Variants in N4BP3 observed in about 807,000 individuals in gnomAD.
N4BP3 encodes NEDD4 binding protein 3.
In N4BP3, 33 loss-of-function variants were observed where a neutral mutation model predicts 43.8. The ratio of observed to expected loss-of-function variants is 0.75; its 90% CI spans 0.57 to 1.01. The LOEUF (loss-of-function observed/expected upper bound fraction) is 1.01. Ranked by LOEUF, N4BP3 falls within the 50% of genes least tolerant of loss-of-function variation. The pLI, the probability that N4BP3 is intolerant of heterozygous loss-of-function variation, is 0.00. For missense variants in N4BP3, 756 were observed against 744.2 expected (o/e 1.02, Z -0.18); for synonymous variants, 326 against 321.9 (o/e 1.01, Z -0.14).
At chr5:178,126,332 C>T (rs1042215547), downstream of N4BP3, among the ~76,000 whole-genome samples, 6 of 152,136 alleles carry the variant, frequency 3.9e-5, no homozygotes, top group African/African-American at 4.8e-5. Flanking sequence ...GCGCCTGCCA[C>T]GACGCCTGGC....
At position 178,115,041 on chromosome 5, in the gene N4BP3, TG is replaced by T. The variant is rs372776404; in HGVS notation, c.-31+1273del. ...AGGGAGTTGAGATTGCTTCTCACTG[TG>T]GGATCTTGGATAACTCACCTCGCCT... On this transcript the variant is annotated intron_variant, in intron 1 of 4. Transcript: ENST00000274605. Among the ~76,000 whole-genome samples, 41 of 152,314 alleles carry T rather than the reference TG, an allele frequency of 2.7e-4. No homozygotes were observed. The South Asian group carries it at 5.6e-3, about 21-fold the overall frequency.
rs1757955136 is a variant in N4BP3, at chr5:178,122,402, C to T, written c.*401C>T. On this transcript the variant is annotated 3_prime_UTR_variant, in exon 5 of 5. Transcript: ENST00000274605. ...CCCCAGAATAAAACCATGTTTTCTACCAGAGGCTCAGAATACGCTGAGCCT... is the reference window on the plus strand; with the variant it reads ...CCCCAGAATAAAACCATGTTTTCTATCAGAGGCTCAGAATACGCTGAGCCT... 5.4e-6 allele frequency: 1 copy of T among 186,096 alleles called. No individual in the cohort carries two copies. Among genetic ancestry groups the T allele is most frequent in the African/African-American group, 2.4e-5 (1 of 42,404 alleles). 11.5% of individuals were successfully genotyped at this position (186,096 alleles called of 1,614,324 possible). A position where few individuals can be genotyped will look rare whatever the true frequency, so the allele number is the denominator to read the frequency against.
chr5:178,119,757 C>T lies in N4BP3; in HGVS notation c.174C>T (p.Tyr58=), dbSNP rs777421282. 7 of 1,613,512 alleles carry T rather than the reference C, an allele frequency of 4.3e-6. No homozygotes were observed. Among genetic ancestry groups the T allele is most frequent in the African/African-American group, 4.0e-5 (3 of 74,950 alleles). ...TGGGCCAGCGTGAGTTCCTCAGCTA[C>T]CTGCACCTCCCCAAGAAGGACAGCA... ...KGLGQREFLS[Y]LHLPKKDSKS... is the part of the protein sequence containing the mutation. Residue 58 remains tyrosine (Y), a synonymous_variant, in exon 2 of 5, where the codon TAC becomes TAT. Coordinates refer to ENST00000274605, the MANE Select transcript of N4BP3 (RefSeq NM_015111.2).
chr5:178,114,442 G>C (rs568482789), intron 1 of N4BP3, among the ~76,000 whole-genome samples: 1 of 152,294 alleles, frequency 6.6e-6, no homozygotes, highest in South Asian at 2.1e-4. Flanking sequence ...AGAGCACCCG[G>C]TCCAGTCCCG....
chr5:178,117,882 G>C (rs1205090290), intron 1 of N4BP3, among the ~76,000 whole-genome samples: 1 of 152,108 alleles, frequency 6.6e-6, no homozygotes, highest in Admixed American at 6.5e-5. Context: ...TGTGGGGTTG[G>C]GGCAGGTCCC....
At chr5:178,116,374 G>A (rs1265708143) in intron 1 of N4BP3, among the ~76,000 whole-genome samples, 4 of 73,668 alleles carry the variant, frequency 5.4e-5, no homozygotes, top group African/African-American at 1.1e-4. Context: ...GCCCTGCTGG[G>A]GGAGCTGATA....
chr5:178,117,485 C>G (rs1757798511), intron 1 of N4BP3, among the ~76,000 whole-genome samples: 1 of 151,980 alleles, frequency 6.6e-6, no homozygotes, highest in South Asian at 2.1e-4. Flanking sequence ...GTGTCACGCA[C>G]CTGTGTTTTT....
In N4BP3 at chr5:178,120,318, CCT is replaced by C. The variant is rs1209932077; in HGVS notation, c.472_473del (p.Leu158GlufsTer21). On this transcript the variant is annotated frameshift_variant, in exon 3 of 5. Transcript: ENST00000274605. LOFTEE classifies it high-confidence loss of function. The part of the protein sequence containing the change: ...SLHTLACHPP[L>X]SPGPRASQAR... ...TGCACACGCTGGCCTGCCACCCGCCCCTGAGCCCCGGGCCCCGGGCCAGCCAG... is the reference window on the plus strand; with the variant it reads ...TGCACACGCTGGCCTGCCACCCGCCCGAGCCCCGGGCCCCGGGCCAGCCAG... 1 of 1,608,326 alleles carries C rather than the reference CCT, an allele frequency of 6.2e-7. No individual in the cohort carries two copies. The highest frequency in any genetic ancestry group is 8.5e-7 in the Non-Finnish European group (1 of 1,176,856).
chr5:178,121,449 T>C (rs1757921226), intron 4 of N4BP3, 25 bp from the exon 5 acceptor site: 4 of 1,613,824 alleles, frequency 2.5e-6, no homozygotes, highest in Non-Finnish European at 3.4e-6. Context: ...CACCCTACTT[T>C]GCTTGCGTCC....
intron 1 of N4BP3, among the ~76,000 whole-genome samples, chr5:178,114,030 C>T (rs760798890): frequency 4.6e-5 from 7 of 152,240 alleles, no homozygotes; most frequent in Middle Eastern, 3.4e-3. Context: ...GGCTACCTTG[C>T]TCTCCCCAAC....
Position 178,122,076 on chromosome 5 carries a change from A to G in N4BP3, c.*75A>G. 2.7e-6 allele frequency: 4 copies of G among 1,476,278 alleles called. No individual in the cohort carries two copies. Among genetic ancestry groups the G allele is most frequent in the East Asian group, 2.4e-5 (1 of 41,908 alleles). The allele number at this position is 1,476,278 out of a possible 1,614,324, so 91.4% of individuals were successfully genotyped here. A position where few individuals can be genotyped will look rare whatever the true frequency, so the allele number is the denominator to read the frequency against. On this transcript the variant is annotated 3_prime_UTR_variant, in exon 5 of 5. Coordinates refer to ENST00000274605, the MANE Select transcript of N4BP3 (RefSeq NM_015111.2). ...GACGGCCGGCTCAGCCTTCCCTTGC[A>G]CTGGTTGGGGTGGAACCTGCAGAGG...
At chr5:178,114,611 G>C (rs1217988261) in intron 1 of N4BP3, among the ~76,000 whole-genome samples, 4 of 152,234 alleles carry the variant, frequency 2.6e-5, no homozygotes, top group African/African-American at 9.6e-5. Context: ...TCCTCGGGAG[G>C]GAGCGGACGC....
Position 178,122,909 on chromosome 5 carries a change from A to G in N4BP3, c.*908A>G, listed in dbSNP as rs183875165. The G allele has an allele frequency of 6.6e-6, 1 of 152,342 alleles. No individual in the cohort carries two copies. The highest frequency in any genetic ancestry group is 2.4e-5 in the African/African-American group (1 of 41,558). 9.4% of individuals were successfully genotyped at this position (152,342 alleles called of 1,614,324 possible). On this transcript the variant is annotated 3_prime_UTR_variant, in exon 5 of 5. Transcript: ENST00000274605. Reference sequence around the variant, plus strand: ...TGGGCAAGCTTATGGGTTTCTTGGTAAAGAGCCTTTACCACAGCAAGGAAT... The same window carrying G: ...TGGGCAAGCTTATGGGTTTCTTGGTGAAGAGCCTTTACCACAGCAAGGAAT...
chr5:178,120,427 G>A lies in N4BP3; in HGVS notation c.580G>A (p.Gly194Arg). 1 of 1,613,036 alleles carries A rather than the reference G, an allele frequency of 6.2e-7. No individual in the cohort carries two copies. The highest frequency in any genetic ancestry group is 8.5e-7 in the Non-Finnish European group (1 of 1,180,004). ...PEPSLSDSSS[G>R]GSFGRSPGTG... ...GCCCAGCCTGTCCGACTCCTCCAGT[G>A]GGGGTAGTTTTGGTCGCAGTCCTGG... Residue 194 changes from glycine (G) to arginine (R), a missense_variant, in exon 3 of 5, where the codon GGG becomes AGG. Physicochemically the swap from Gly to Arg is moderately radical, Grantham distance 125 (BLOSUM62 -2). Transcript: ENST00000274605.
chr5:178,119,826 C>A lies in N4BP3; in HGVS notation c.243C>A (p.Ala81=). The A allele has an allele frequency of 2.5e-6, 4 of 1,613,306 alleles. No homozygotes were observed. The South Asian group carries it at 3.3e-5, about 13-fold the overall frequency. ...AGCGGGCCCCTCGGAACGAGCCTGC[C>A]GACTATGCCACCCTCTACTACCGGG... is the stretch of plus-strand genomic sequence containing the variant. ...NTKRAPRNEP[A]DYATLYYREH... The change falls in exon 2 of 5, where the codon GCC becomes GCA. Residue 81 remains alanine (A), a synonymous_variant. Transcript: ENST00000274605.
Position 178,113,632 on chromosome 5 carries a change from CGCCTGCCGCTCCGCCGCTCCG to C in N4BP3, c.-169_-149del, listed in dbSNP as rs1757698954. The C allele has an allele frequency of 6.6e-6, 1 of 151,932 alleles. No homozygotes were observed. Among genetic ancestry groups the C allele is most frequent in the South Asian group, 2.1e-4 (1 of 4,836 alleles). 9.4% of individuals were successfully genotyped at this position (151,932 alleles called of 1,614,324 possible). On this transcript the variant is annotated 5_prime_UTR_variant, in exon 1 of 5. Coordinates refer to ENST00000274605, the MANE Select transcript of N4BP3 (RefSeq NM_015111.2). ...CCGGCGCCCGCCCGCGTTTTCCCGG[CGCCTGCCGCTCCGCCGCTCCG>C]ACCCGGCACGCAGTCCCGGCCCGAG...
chr5:178,120,470 T>G lies in N4BP3; in HGVS notation c.623T>G (p.Phe208Cys), dbSNP rs752671285. 2 of 1,613,070 alleles carry G rather than the reference T, an allele frequency of 1.2e-6. No homozygotes were observed. The highest frequency in any genetic ancestry group is 1.7e-5 in the Admixed American group (1 of 60,024). The change falls in exon 3 of 5, where the codon TTC becomes TGC. Residue 208 changes from phenylalanine (F) to cysteine (C), a missense_variant. By Grantham distance (205) the Phe-to-Cys change is radical. Transcript: ENST00000274605. ...GRSPGTGPSP[F>C]SSSLGHLNHL... ...AGTCCTGGTACTGGCCCTAGCCCCT[T>G]CAGCTCCTCCCTTGGCCACCTTAAC...
chr5:178,114,583 A>G (rs1010720308), intron 1 of N4BP3, among the ~76,000 whole-genome samples: 3 of 152,232 alleles, frequency 2.0e-5, no homozygotes, highest in South Asian at 4.1e-4. Context: ...CCACATAGGA[A>G]CAGATTGGGC....
intron 3 of N4BP3, 41 bp downstream of exon 3, chr5:178,120,740 G>A (rs1183865540): frequency 4.6e-6 from 7 of 1,525,482 alleles, no homozygotes; most frequent in African/African-American, 1.4e-5. Flanking sequence ...CTGTGCCTCA[G>A]CACTGGGGTA....
Sources: allele counts gnomAD v4.1 joint callset (sites outside exome capture counted in the v4.1 genomes callset), GRCh38; gene constraint gnomAD v4.1.1; transcripts MANE v1.5; gene names NCBI Gene and HGNC (gene_info 2026-07-23, HGNC 2026-07-21).